The following FSTL5 variants were observed in gnomAD, a reference collection of about 807,000 sequenced individuals.
FSTL5 encodes the protein follistatin-related protein 5.
A neutral mutation model predicts 89.1 loss-of-function variants in FSTL5; 62 were observed. The ratio of observed to expected loss-of-function variants is 0.70; its 90% CI spans 0.57 to 0.86. The LOEUF (loss-of-function observed/expected upper bound fraction) is 0.86, where lower values mean the gene tolerates loss of function less well. Among genes scored for constraint, FSTL5 ranks in the 40% least tolerant of loss-of-function variants. The pLI is 0.00. For missense variants in FSTL5, 1,057 were observed against 1,001.6 expected (o/e 1.06, Z -0.75); for synonymous variants, 383 against 346.2 (o/e 1.11, Z -1.18).
chr4:161,968,936 C>CACACAA (rs1735401703), intron 3 of FSTL5, among the ~76,000 whole-genome samples: 3 of 110,096 alleles, frequency 2.7e-5, no homozygotes, highest in Non-Finnish European at 5.6e-5. Flanking sequence ...CACAGACATA[C>CACACAA]ACACACACAC....
chr4:162,160,976 C>T (rs188558485), intron 1 of FSTL5, among the ~76,000 whole-genome samples: 8 of 151,938 alleles, frequency 5.3e-5, no homozygotes, highest in Non-Finnish European at 7.4e-5. Flanking sequence ...TCATTTTTGA[C>T]TCAATTTTTA....
chr4:162,148,151 T>C (rs1733073844), intron 1 of FSTL5, among the ~76,000 whole-genome samples: 1 of 152,250 alleles, frequency 6.6e-6, no homozygotes, highest in Non-Finnish European at 1.5e-5. Flanking sequence ...TAGTGAAATT[T>C]GATATCTCCA....
intron 4 of FSTL5, among the ~76,000 whole-genome samples, chr4:161,816,847 G>C (rs2126845581): frequency 6.6e-6 from 1 of 152,226 alleles, no homozygotes; most frequent in South Asian, 2.1e-4. Flanking sequence ...GATGAAAAGG[G>C]AGAATTGCTA....
At chr4:161,658,086 T>G (rs1423232124) in intron 6 of FSTL5, among the ~76,000 whole-genome samples, 1 of 152,180 alleles carries the variant, frequency 6.6e-6, no homozygotes, top group Non-Finnish European at 1.5e-5. Context: ...ATAACAAACA[T>G]CTTGTCCATT....
At chr4:161,457,654 GAC>G (rs1293027875) in intron 14 of FSTL5, among the ~76,000 whole-genome samples, 1 of 151,836 alleles carries the variant, frequency 6.6e-6, no homozygotes, top group African/African-American at 2.4e-5. Flanking sequence ...TAAAAAAAAA[GAC>G]ATGAAAAAAT....
intron 15 of FSTL5, among the ~76,000 whole-genome samples, chr4:161,425,419 G>A (rs766182169): frequency 1.2e-4 from 18 of 152,262 alleles, no homozygotes; most frequent in South Asian, 2.1e-4. Context: ...CAGCAGAACA[G>A]GTTTATAGAG....
At chr4:161,458,424 T>G (rs1024121130) in intron 14 of FSTL5, among the ~76,000 whole-genome samples, 1 of 152,182 alleles carries the variant, frequency 6.6e-6, no homozygotes, top group Non-Finnish European at 1.5e-5. Flanking sequence ...AGTTAAATAT[T>G]GCAATACTGA....
intron 4 of FSTL5, among the ~76,000 whole-genome samples, chr4:161,873,434 T>TA (rs1257908971): frequency 6.6e-6 from 1 of 151,936 alleles, no homozygotes; most frequent in East Asian, 1.9e-4. Flanking sequence ...AACTCAAATA[T>TA]AAAATTATTG....
At chr4:161,674,280 A>C (rs1737223613) in intron 6 of FSTL5, among the ~76,000 whole-genome samples, 1 of 152,122 alleles carries the variant, frequency 6.6e-6, no homozygotes, top group African/African-American at 2.4e-5. Context: ...AATTAAAAGA[A>C]AATATTTGCC....
intron 1 of FSTL5, among the ~76,000 whole-genome samples, chr4:162,156,143 C>T (rs1733460486): frequency 2.6e-5 from 4 of 152,034 alleles, no homozygotes; most frequent in African/African-American, 9.7e-5. Flanking sequence ...AAAAAATGCT[C>T]CACGTCACAA....
At chr4:161,495,813 T>C (rs937279263) in intron 12 of FSTL5, among the ~76,000 whole-genome samples, 1 of 152,114 alleles carries the variant, frequency 6.6e-6, no homozygotes, top group East Asian at 1.9e-4. Flanking sequence ...TCCCTTTTCA[T>C]GGGAAAAATG....
chr4:161,803,055 G>C (rs1729847263), intron 4 of FSTL5, among the ~76,000 whole-genome samples: 1 of 151,960 alleles, frequency 6.6e-6, no homozygotes, highest in Non-Finnish European at 1.5e-5. Flanking sequence ...TTGCCGCTGT[G>C]TTAAGAAACA....
At chr4:161,746,141 A>AT (rs559786048) in intron 6 of FSTL5, among the ~76,000 whole-genome samples, 5,478 of 148,440 alleles carry the variant, frequency 0.037, 180 homozygotes, top group South Asian at 0.095. Flanking sequence ...AGATAGTGTG[A>AT]TTTTTTTTTT....
At chr4:162,147,029 C>G (rs1048828971) in intron 1 of FSTL5, among the ~76,000 whole-genome samples, 12 of 151,862 alleles carry the variant, frequency 7.9e-5, no homozygotes, top group African/African-American at 2.2e-4. Context: ...TGATCTGCCC[C>G]CCTCGGCCTC....
chr4:162,027,350 T>C lies in FSTL5; in HGVS notation c.160+6275A>G, dbSNP rs1352003051. On this transcript the variant is annotated intron_variant, in intron 3 of 15. Coordinates refer to ENST00000306100, the MANE Select transcript of FSTL5 (RefSeq NM_020116.5). ...ATTTACTTAATTTTCTTTTATAGAA[T>C]TGGTTAATGTTTTATAGAATTGTTA... Among the ~76,000 whole-genome samples the C allele has an allele frequency of 3.3e-5, 5 of 152,214 alleles. No homozygotes were observed. The East Asian group carries it at 9.7e-4, about 29-fold the overall frequency.
chr4:161,745,435 T>C (rs1740166044), intron 6 of FSTL5, among the ~76,000 whole-genome samples: 1 of 152,034 alleles, frequency 6.6e-6, no homozygotes, highest in South Asian at 2.1e-4. Context: ...TAACATCATA[T>C]TAGGATAAAT....
intron 3 of FSTL5, among the ~76,000 whole-genome samples, chr4:161,924,978 A>G (rs2110876122): frequency 6.6e-6 from 1 of 151,992 alleles, no homozygotes; most frequent in South Asian, 2.1e-4. Context: ...TGGTCATAGA[A>G]CAGAATTTGA....
At chr4:161,907,438 C>T in intron 4 of FSTL5, among the ~76,000 whole-genome samples, 1 of 152,042 alleles carries the variant, frequency 6.6e-6, no homozygotes, top group East Asian at 1.9e-4. Flanking sequence ...AACTCCACCT[C>T]AAGGCTACAG....
At chr4:161,743,708 C>A (rs938957281) in intron 6 of FSTL5, among the ~76,000 whole-genome samples, 1 of 151,956 alleles carries the variant, frequency 6.6e-6, no homozygotes, top group Non-Finnish European at 1.5e-5. Context: ...GCTTCTTTCT[C>A]CATAAAATGC....
Sources: gnomAD v4.1 joint callset for allele counts (sites outside exome capture counted in the v4.1 genomes callset) on GRCh38, gnomAD v4.1.1 for gene constraint, MANE v1.5 for transcripts, NCBI Gene and HGNC (gene_info 2026-07-23, HGNC 2026-07-21) for gene names.